The following HS6ST1 variants were observed in gnomAD, a reference collection of about 807,000 sequenced individuals.
HS6ST1 encodes the protein heparan sulfate 6-O-sulfotransferase 1, also known as heparan-sulfate 6-O-sulfotransferase 1.
HS6ST1 carries 3 observed loss-of-function variants against 25.2 expected under a neutral mutation model. The observed-to-expected ratio is 0.12, with a 90% CI of 0.05 to 0.31. The LOEUF (loss-of-function observed/expected upper bound fraction) is 0.31, where lower values mean the gene tolerates loss of function less well. Ranked by LOEUF, HS6ST1 falls within the 10% of genes least tolerant of loss-of-function variation. The pLI is 1.00. For missense variants in HS6ST1, 310 were observed against 609.6 expected (o/e 0.51, Z 5.18); for synonymous variants, 204 against 275.1 (o/e 0.74, Z 2.56).
intron 1 of HS6ST1, among the ~76,000 whole-genome samples, chr2:128,312,226 G>A (rs1420657228): frequency 3.3e-5 from 5 of 152,256 alleles, no homozygotes; most frequent in African/African-American, 4.8e-5. Context: ...GGCTGGGTGC[G>A]GCATACAGCC....
chr2:128,287,612 G>A (rs1361125738), intron 1 of HS6ST1, among the ~76,000 whole-genome samples: 1 of 152,222 alleles, frequency 6.6e-6, no homozygotes, highest in South Asian at 2.1e-4. Context: ...TAGAGACGCC[G>A]GGTCCAGGGG....
intron 1 of HS6ST1, among the ~76,000 whole-genome samples, chr2:128,297,147 A>G (rs1379751106): frequency 6.6e-6 from 1 of 152,248 alleles, no homozygotes; most frequent in African/African-American, 2.4e-5. Flanking sequence ...TTAACTACAA[A>G]GCTATGGTAG....
chr2:128,317,744 C>T (rs1055718027), intron 1 of HS6ST1, among the ~76,000 whole-genome samples: 10 of 152,364 alleles, frequency 6.6e-5, no homozygotes, highest in South Asian at 2.1e-4. Flanking sequence ...CCGAGGGCAG[C>T]GGGCGGGGAC....
chr2:128,302,933 G>A (rs1160330951), intron 1 of HS6ST1, among the ~76,000 whole-genome samples: 2 of 152,206 alleles, frequency 1.3e-5, no homozygotes, highest in Non-Finnish European at 2.9e-5. Context: ...GCCTGCCCTT[G>A]AGGTCCTTGC....
At chr2:128,316,037 T>G (rs1036496906) in intron 1 of HS6ST1, among the ~76,000 whole-genome samples, 4 of 152,122 alleles carry the variant, frequency 2.6e-5, no homozygotes, top group African/African-American at 9.7e-5. Context: ...GCAGCCCACC[T>G]CCGCCAGAGG....
intron 1 of HS6ST1, among the ~76,000 whole-genome samples, chr2:128,309,712 C>T (rs1694260548): frequency 6.6e-6 from 1 of 152,234 alleles, no homozygotes; most frequent in African/African-American, 2.4e-5. Context: ...GGCAGCTGTG[C>T]TGGTCACGTG....
chr2:128,293,427 C>T (rs1693990550), intron 1 of HS6ST1, among the ~76,000 whole-genome samples: 1 of 152,358 alleles, frequency 6.6e-6, no homozygotes, highest in East Asian at 1.9e-4. Flanking sequence ...GTGGCGGCTG[C>T]CACCACCTGC....
intron 1 of HS6ST1, among the ~76,000 whole-genome samples, chr2:128,284,721 C>T (rs983417863): frequency 1.3e-5 from 2 of 152,162 alleles, no homozygotes; most frequent in Admixed American, 6.5e-5. Flanking sequence ...CTCCTGACTT[C>T]AGGTGATCCA....
chr2:128,286,120 C>T (rs376005444), intron 1 of HS6ST1, among the ~76,000 whole-genome samples: 4 of 152,348 alleles, frequency 2.6e-5, no homozygotes, highest in Non-Finnish European at 4.4e-5. Flanking sequence ...TTAGAGCCTA[C>T]AGCACCCTGC....
At chr2:128,277,306 C>T (rs182343931) in intron 1 of HS6ST1, among the ~76,000 whole-genome samples, 1 of 152,226 alleles carries the variant, frequency 6.6e-6, no homozygotes, top group African/African-American at 2.4e-5. Context: ...GCATGGCCCC[C>T]ACAGCACCCT....
rs748882699 is a variant in HS6ST1, at chr2:128,268,180, G to C, written c.1218C>G (p.His406Gln). The change falls in exon 2 of 2, where the codon CAC becomes CAG. Residue 406 changes from histidine (H) to glutamine (Q), a missense_variant. Physicochemically the swap from His to Gln is conservative, Grantham distance 24. Coordinates refer to ENST00000259241, the MANE Select transcript of HS6ST1 (RefSeq NM_004807.3). ...ACCGCCACTACCACTTCTCAATGATGTGGCTCATGTAGTCCTCGGTGGGCA... is the reference window on the plus strand; with the variant it reads ...ACCGCCACTACCACTTCTCAATGATCTGGCTCATGTAGTCCTCGGTGGGCA... ...GRVPTEDYMS[H>Q]IIEKW 16 of 1,609,578 alleles carry C rather than the reference G, an allele frequency of 9.9e-6. No individual in the cohort carries two copies. Among genetic ancestry groups the C allele is most frequent in the Admixed American group, 5.0e-5 (3 of 59,878 alleles).
Position 128,271,331 on chromosome 2 carries a change from G to A in HS6ST1, c.528-2461C>T, listed in dbSNP as rs373086709. On this transcript the variant is annotated intron_variant, in intron 1 of 1. Coordinates refer to ENST00000259241, the MANE Select transcript of HS6ST1 (RefSeq NM_004807.3). ...CCTTAGAGCCTGCTGGTCATGTCTG[G>A]AGCCACCTAGCCAGCGCTGGGCCTA... is the stretch of plus-strand genomic sequence containing the variant. Among the ~76,000 whole-genome samples, 3 of 152,188 alleles carry A rather than the reference G, an allele frequency of 2.0e-5. No homozygotes were observed. In the South Asian group the frequency reaches 6.2e-4, roughly 32 times the overall value.
chr2:128,271,816 C>CA (rs1208264554), intron 1 of HS6ST1, among the ~76,000 whole-genome samples: 1 of 152,222 alleles, frequency 6.6e-6, no homozygotes, highest in African/African-American at 2.4e-5. Context: ...GGGAGGAACT[C>CA]ATTCCTCAGC....
chr2:128,301,083 GA>G (rs1333272801), intron 1 of HS6ST1, among the ~76,000 whole-genome samples: 1 of 152,214 alleles, frequency 6.6e-6, no homozygotes, highest in African/African-American at 2.4e-5. Flanking sequence ...ATGGTCTATA[GA>G]AACCAGCCTT....
At chr2:128,312,338 G>T (rs563119894) in intron 1 of HS6ST1, among the ~76,000 whole-genome samples, 22 of 152,348 alleles carry the variant, frequency 1.4e-4, no homozygotes, top group African/African-American at 5.1e-4. Flanking sequence ...TCCTTGTGTG[G>T]AAAATGGGGC....
chr2:128,266,741 T>G lies in HS6ST1; in HGVS notation c.*1421A>C, dbSNP rs554133624. On this transcript the variant is annotated 3_prime_UTR_variant, in exon 2 of 2. Transcript: ENST00000259241. ...CTGCGGCCTGAGCACACCAATCTAC[T>G]CTCTGGGGGATCCAGGGTGCCTGTG... 6.6e-6 allele frequency: 1 copy of G among 152,350 alleles called. No individual in the cohort carries two copies. The highest frequency in any genetic ancestry group is 2.1e-4 in the South Asian group (1 of 4,824). 9.4% of individuals were successfully genotyped at this position (152,350 alleles called of 1,614,324 possible). A position where few individuals can be genotyped will look rare whatever the true frequency, so the allele number is the denominator to read the frequency against.
intron 1 of HS6ST1, among the ~76,000 whole-genome samples, chr2:128,277,881 G>A (rs939822889): frequency 6.6e-6 from 1 of 152,228 alleles, no homozygotes; most frequent in Non-Finnish European, 1.5e-5. Context: ...CATGCACTTC[G>A]GCATTTAATT....
At chr2:128,305,698 C>T (rs973569787) in intron 1 of HS6ST1, among the ~76,000 whole-genome samples, 2 of 152,236 alleles carry the variant, frequency 1.3e-5, no homozygotes, top group East Asian at 1.9e-4. Flanking sequence ...TCAACTCCCC[C>T]GGGAGACCAT....
At chr2:128,277,336 T>G (rs1413737138) in intron 1 of HS6ST1, among the ~76,000 whole-genome samples, 2 of 152,228 alleles carry the variant, frequency 1.3e-5, no homozygotes, top group African/African-American at 2.4e-5. Flanking sequence ...AGCAGATCTC[T>G]GTGGACACCT....
Sources: gnomAD v4.1 joint callset for allele counts (sites outside exome capture counted in the v4.1 genomes callset) on GRCh38, gnomAD v4.1.1 for gene constraint, MANE v1.5 for transcripts, NCBI Gene and HGNC (gene_info 2026-07-23, HGNC 2026-07-21) for gene names.